CHD4: variants seen among roughly 807,000 people sequenced by gnomAD.
CHD4 encodes the protein chromodomain helicase DNA binding protein 4, also known as ATP-dependent chromatin remodeler CHD4.
Under a neutral mutation model 235.5 loss-of-function variants are expected in CHD4, and 35 were observed. That is an observed-to-expected ratio of 0.15 (90% CI 0.11 to 0.20). The LOEUF is 0.20. Among genes scored for constraint, CHD4 ranks in the 10% least tolerant of loss-of-function variants. The pLI, the probability that CHD4 is intolerant of heterozygous loss-of-function variation, is 1.00. For missense variants in CHD4, 1,329 were observed against 2,432.3 expected, an observed-to-expected ratio of 0.55 and a Z score of 9.54; for synonymous variants, 900 against 850.2, an observed-to-expected ratio of 1.06 and a Z score of -1.02.
At chr12:6,605,071 C>T (rs1948667165) in intron 2 of CHD4, among the ~76,000 whole-genome samples, 1 of 152,176 alleles carries the variant, frequency 6.6e-6, no homozygotes, top group Admixed American at 6.5e-5. Context: ...ACAACACTAA[C>T]CCCTCTCCTA....
chr12:6,585,345 G>C (rs1042629249), intron 25 of CHD4, among the ~76,000 whole-genome samples: 10 of 151,718 alleles, frequency 6.6e-5, no homozygotes, highest in Non-Finnish European at 1.0e-4. Flanking sequence ...AGTGCAGTGG[G>C]GCAATCTTGG....
At position 6,582,758 on chromosome 12, in the gene CHD4, G is replaced by A. The variant is rs1485844182; in HGVS notation, c.4237-10C>T. 1 of 1,614,154 alleles carries A rather than the reference G, an allele frequency of 6.2e-7. No homozygotes were observed. The highest frequency in any genetic ancestry group is 1.7e-5 in the Admixed American group (1 of 60,014). On this transcript the variant is annotated splice_polypyrimidine_tract_variant and intron_variant, in intron 28 of 39. Transcript: ENST00000544040. ...CATTAAAACCAAGTACCTAGGGGAAGAAGAAACCCAGGTGAGAGGCAGCAG... is the reference window on the plus strand; with the variant it reads ...CATTAAAACCAAGTACCTAGGGGAAAAAGAAACCCAGGTGAGAGGCAGCAG...
chr12:6,601,603 A>T, intron 5 of CHD4, 45 bp downstream of exon 5: 1 of 1,612,946 alleles, frequency 6.2e-7, no homozygotes, highest in Non-Finnish European at 8.5e-7. Context: ...AGAAGAGAGA[A>T]CAGAAAGATT....
chr12:6,600,060 C>T (rs756431809), intron 9 of CHD4, 48 bp from the exon 10 acceptor site: 19 of 1,599,764 alleles, frequency 1.2e-5, no homozygotes, highest in African/African-American at 2.7e-5. Flanking sequence ...ACCCGCCCAC[C>T]GCAGTCTGAA....
rs896262857 is a variant in CHD4, at chr12:6,570,525, C to G, written c.*151G>C. 1.5e-5 allele frequency: 13 copies of G among 881,520 alleles called. No individual in the cohort carries two copies. The African/African-American group carries it at 2.0e-4, about 14-fold the overall frequency. The allele number at this position is 881,520 out of a possible 1,614,324, so 54.6% of individuals were successfully genotyped here. A position where few individuals can be genotyped will look rare whatever the true frequency, so the allele number is the denominator to read the frequency against. Reference sequence around the variant, plus strand: ...GGCACCACTGCCCCTCACTCCCTCCCCTCCCCCAGTGCACTGGGGCTGTTC... The same window carrying G: ...GGCACCACTGCCCCTCACTCCCTCCGCTCCCCCAGTGCACTGGGGCTGTTC... On this transcript the variant is annotated 3_prime_UTR_variant, in exon 40 of 40. Coordinates refer to ENST00000544040, the MANE Select transcript of CHD4 (RefSeq NM_001273.5).
At chr12:6,576,278 A>G (rs1408449436) in intron 37 of CHD4, among the ~76,000 whole-genome samples, 2 of 151,852 alleles carry the variant, frequency 1.3e-5, no homozygotes. Flanking sequence ...AATCGCTTGA[A>G]CCCGGGAGGC....
intron 39 of CHD4, 71 bp downstream of exon 39, chr12:6,570,798 C>T: frequency 6.2e-7 from 1 of 1,611,702 alleles, no homozygotes; most frequent in Non-Finnish European, 8.5e-7. Context: ...AAGCTAGGGA[C>T]ATACAGCAAA....
chr12:6,594,885 CG>C (rs1948459320), intron 14 of CHD4, among the ~76,000 whole-genome samples: 1 of 152,168 alleles, frequency 6.6e-6, no homozygotes, highest in African/African-American at 2.4e-5. Context: ...AGGAAAAGCA[CG>C]TCACAGACTC....
intron 12 of CHD4, among the ~76,000 whole-genome samples, 192 bp downstream of exon 12, chr12:6,597,702 G>A (rs1189432247): frequency 6.7e-6 from 1 of 150,026 alleles, no homozygotes; most frequent in African/African-American, 2.5e-5. Context: ...GGAGGCAGAG[G>A]TTGCAGTGAG....
intron 13 of CHD4, 133 bp from the exon 14 acceptor site, chr12:6,595,563 G>A (rs186965658): frequency 1.9e-4 from 131 of 673,038 alleles, no homozygotes; most frequent in South Asian, 1.7e-3. Flanking sequence ...TGAGACGGGC[G>A]GATCACCTGA....
At chr12:6,597,842 T>TA (rs1195538165) in intron 12 of CHD4, 52 bp downstream of exon 12, 17 of 1,517,476 alleles carry the variant, frequency 1.1e-5, no homozygotes, top group Non-Finnish European at 1.5e-5. Flanking sequence ...CCAATCTCTT[T>TA]AGCAGGACTC....
intron 25 of CHD4, chr12:6,586,799 G>C (rs1170992522): frequency 6.6e-6 from 1 of 152,184 alleles, no homozygotes; most frequent in Non-Finnish European, 1.5e-5. Context: ...CTGGGTTCAA[G>C]CAATTCTCCT....
rs1592261340 is a variant in CHD4, at chr12:6,578,454, T to C, written c.5074A>G (p.Ile1692Val). The change falls in exon 35 of 40, where the codon ATT (isoleucine) becomes GTT (valine). Residue 1692 changes from isoleucine to valine, a missense_variant. By Grantham distance (29) the Ile-to-Val change is conservative. This residue lies in a region of CHD4 where 219 missense variants were observed against 219.3 expected (regional missense o/e 1.00). Transcript: ENST00000544040. ...DLNDEKQKKNIKQRFMFNIAD... is the reference protein window; with the variant it reads ...DLNDEKQKKNVKQRFMFNIAD... ...ATGTTAAACATGAAACGTTGTTTAA[T>C]ATTTTTCTTCTGTTTCTCATCATTC... is the stretch of plus-strand genomic sequence containing the variant. The C allele has an allele frequency of 6.2e-7, 1 of 1,614,136 alleles. No homozygotes were observed. Among genetic ancestry groups the C allele is most frequent in the Non-Finnish European group, 8.5e-7 (1 of 1,180,020 alleles).
Position 6,605,458 on chromosome 12 carries a change from C to T in CHD4, c.100+816G>A, listed in dbSNP as rs1436571230. 5.3e-5 allele frequency among the ~76,000 whole-genome samples: 8 copies of T among 152,126 alleles called. No individual in the cohort carries two copies. In the East Asian group the frequency reaches 1.3e-3, roughly 26 times the overall value. On this transcript the variant is annotated intron_variant, in intron 2 of 39. Transcript: ENST00000544040. ...ATCAGACAGGGTGGTTACAACCATA[C>T]GGGTTTGGCCAGTTCATGAAGCCAC...
At chr12:6,581,480 C>T (rs1297120302) in intron 31 of CHD4, 92 bp from the exon 32 acceptor site, 6 of 1,520,326 alleles carry the variant, frequency 3.9e-6, no homozygotes, top group South Asian at 3.4e-5. Context: ...TTAAATTGTC[C>T]TCTCGTGCCT....
chr12:6,604,932 T>C (rs140376282), intron 2 of CHD4, among the ~76,000 whole-genome samples: 1 of 152,158 alleles, frequency 6.6e-6, no homozygotes, highest in African/African-American at 2.4e-5. Context: ...CATGCCCCTC[T>C]CAGAAGGACA....
chr12:6,601,826 A>G (rs1163372949), intron 4 of CHD4, 60 bp from the exon 5 acceptor site: 4 of 1,574,988 alleles, frequency 2.5e-6, no homozygotes, highest in Admixed American at 1.7e-5. Context: ...TTGCTAAGCA[A>G]ATTTGTGTGG....
Position 6,583,179 on chromosome 12 carries a change from C to T in CHD4, c.4060+19G>A, listed in dbSNP as rs1313231906. The T allele has an allele frequency of 1.1e-5, 18 of 1,610,226 alleles. No individual in the cohort carries two copies. The highest frequency in any genetic ancestry group is 1.7e-5 in the Admixed American group (1 of 59,640). ...AGTGGAACGGCCCATGGGTGGGGGG[C>T]GGGGCCGGCCACACACACCTCGGTC... On this transcript the variant is annotated intron_variant, in intron 26 of 39. Transcript: ENST00000544040.
At position 6,581,664 on chromosome 12, in the gene CHD4, G is replaced by C. The variant is rs759471021; in HGVS notation, c.4666C>G (p.Pro1556Ala). ...PGDTQPNTPA[P>A]VPPAEDGIKI... ...GCAGACTTACCAGCAGGTGGGACAG[G>C]TGCAGGAGTGTTGGGCTGCGTGTCC... Residue 1556 changes from proline to alanine, a missense_variant, in exon 31 of 40, where the codon CCT (proline) becomes GCT (alanine). Physicochemically the swap from Pro to Ala is conservative, Grantham distance 27. Around this residue, in one of 26 missense-constraint regions of CHD4, gnomAD observed 219 missense variants for 219.3 expected, o/e 1.00. Transcript: ENST00000544040. 2 of 1,613,066 alleles carry C rather than the reference G, an allele frequency of 1.2e-6. No homozygotes were observed. The highest frequency in any genetic ancestry group is 1.7e-6 in the Non-Finnish European group (2 of 1,179,262).
Sources: allele counts gnomAD v4.1 joint callset (sites outside exome capture counted in the v4.1 genomes callset), GRCh38; gene constraint gnomAD v4.1.1; regional missense constraint gnomAD v4.1.1; transcripts MANE v1.5; gene names NCBI Gene and HGNC (gene_info 2026-07-23, HGNC 2026-07-21).